Variants in PRKG2 observed in about 807,000 individuals in gnomAD.
The protein encoded by PRKG2 is protein kinase cGMP-dependent 2, also known as cGMP-dependent protein kinase 2.
A neutral mutation model predicts 97.2 loss-of-function variants in PRKG2; 33 were observed. That is an observed-to-expected ratio of 0.34 (90% CI 0.26 to 0.45). The LOEUF (loss-of-function observed/expected upper bound fraction) is 0.45. Among genes scored for constraint, PRKG2 ranks in the 20% least tolerant of loss-of-function variants. The pLI, the probability that PRKG2 is intolerant of heterozygous loss-of-function variation, is 1.00. For missense variants in PRKG2, 638 were observed against 900.0 expected, an observed-to-expected ratio of 0.71 and a Z score of 3.73; for synonymous variants, 330 against 321.8, an observed-to-expected ratio of 1.03 and a Z score of -0.27.
At chr4:81,196,763 A>G (rs1167841559) in intron 2 of PRKG2, among the ~76,000 whole-genome samples, 9 of 151,778 alleles carry the variant, frequency 5.9e-5, no homozygotes, top group African/African-American at 1.9e-4. Flanking sequence ...TAGATCTCAA[A>G]AAAGAAAGAA....
intron 2 of PRKG2, among the ~76,000 whole-genome samples, chr4:81,189,063 T>TAAAAAAAAAAAAAAA (rs1401411435): frequency 1.6e-4 from 1 of 6,418 alleles, no homozygotes; most frequent in African/African-American, 1.4e-3. Context: ...TTAAAAAAAA[T>TAAAAAAAAAAAAAAA]AATAAAAAAA....
At chr4:81,167,280 C>T (rs1750067742) in intron 5 of PRKG2, 56 bp from the exon 6 acceptor site, 2 of 1,117,692 alleles carry the variant, frequency 1.8e-6, no homozygotes, top group Admixed American at 2.6e-5. Context: ...TATAAATATA[C>T]ACATATGCAG....
At chr4:81,153,605 A>G (rs1213172069) in intron 7 of PRKG2, 39 bp downstream of exon 7, 1 of 1,477,508 alleles carries the variant, frequency 6.8e-7, no homozygotes, top group Non-Finnish European at 9.4e-7. Context: ...CTGATTTAAA[A>G]TAATCTTTTT....
chr4:81,139,673 G>A (rs1336701830), intron 12 of PRKG2, among the ~76,000 whole-genome samples: 1 of 151,544 alleles, frequency 6.6e-6, no homozygotes, highest in East Asian at 1.9e-4. Context: ...TACTCTGGAG[G>A]CTGAGGCAGG....
At chr4:81,196,540 T>C (rs1752969558) in intron 2 of PRKG2, among the ~76,000 whole-genome samples, 1 of 152,162 alleles carries the variant, frequency 6.6e-6, no homozygotes, top group African/African-American at 2.4e-5. Flanking sequence ...AACTGGAAGC[T>C]CTAGGTCTTT....
Position 81,155,177 on chromosome 4 carries a change from C to CAAAAAAAAAA in PRKG2, c.913-1466_913-1457dup, listed in dbSNP as rs57874087. On this transcript the variant is annotated intron_variant, in intron 6 of 18. Transcript: ENST00000264399. The stretch of plus-strand genomic sequence containing the variant: ...TGGGCGACAGAGCGAGACTCCGTCT[C>CAAAAAAAAAA]AAAAAAAAAAAAAAGAAGAATGTAT... Among the ~76,000 whole-genome samples the CAAAAAAAAAA allele has an allele frequency of 1.1e-3, 80 of 74,362 alleles. 7 individuals are homozygous for CAAAAAAAAAA. Among genetic ancestry groups the CAAAAAAAAAA allele is most frequent in the African/African-American group, 6.7e-3 (72 of 10,776 alleles). The allele number at this position is 74,362 out of a possible 152,430, so 48.8% of individuals were successfully genotyped here. A position where few individuals can be genotyped will look rare whatever the true frequency, so the allele number is the denominator to read the frequency against.
intron 17 of PRKG2, among the ~76,000 whole-genome samples, chr4:81,104,033 G>A (rs76787322): frequency 0.037 from 5,407 of 146,610 alleles, 338 homozygotes; most frequent in African/African-American, 0.13. Flanking sequence ...TCTGTCATAA[G>A]AAAAACAAAC....
chr4:81,130,471 G>A (rs1746062191), intron 14 of PRKG2, among the ~76,000 whole-genome samples: 1 of 152,174 alleles, frequency 6.6e-6, no homozygotes, highest in Non-Finnish European at 1.5e-5. Flanking sequence ...CAAGGGTCAG[G>A]GACCCACTTG....
intron 2 of PRKG2, among the ~76,000 whole-genome samples, chr4:81,181,403 T>C (rs1169063269): frequency 6.6e-6 from 1 of 151,592 alleles, no homozygotes; most frequent in Non-Finnish European, 1.5e-5. Context: ...AGAAGAAAAT[T>C]TATGATGTCA....
chr4:81,200,446 G>A (rs772249408), intron 2 of PRKG2, among the ~76,000 whole-genome samples: 1 of 152,206 alleles, frequency 6.6e-6, no homozygotes, highest in Non-Finnish European at 1.5e-5. Flanking sequence ...CCACATGGAT[G>A]AAGCTAGGAA....
chr4:81,199,054 C>T (rs1173480717), intron 2 of PRKG2, among the ~76,000 whole-genome samples: 7 of 151,990 alleles, frequency 4.6e-5, no homozygotes, highest in Admixed American at 6.6e-5. Flanking sequence ...CGGGTTAAGA[C>T]AATAGTATTT....
chr4:81,171,777 T>G lies in PRKG2; in HGVS notation c.656A>C (p.Glu219Ala). The G allele has an allele frequency of 6.2e-7, 1 of 1,610,964 alleles. No homozygotes were observed. The highest frequency in any genetic ancestry group is 8.5e-7 in the Non-Finnish European group (1 of 1,178,534). The change falls in exon 4 of 19, where the codon GAG (glutamate) becomes GCG (alanine). Residue 219 changes from glutamate (E) to alanine (A), a missense_variant. Glu to Ala is a moderately radical substitution (Grantham distance 107). Around this residue, in one of 3 missense-constraint regions of PRKG2, gnomAD observed 332 missense variants for 421.7 expected, o/e 0.79. Transcript: ENST00000264399. ...AEGRLEVFQG[E>A]KLLSSIPMWT... ...CATAGGGATGGAGGACAGCAATTTCTCCCCTTGGAACACCTCTAGTCGACC... is the reference window on the plus strand; with the variant it reads ...CATAGGGATGGAGGACAGCAATTTCGCCCCTTGGAACACCTCTAGTCGACC...
At chr4:81,107,076 G>A (rs1245620060) in intron 15 of PRKG2, among the ~76,000 whole-genome samples, 1 of 152,224 alleles carries the variant, frequency 6.6e-6, no homozygotes, top group Non-Finnish European at 1.5e-5. Context: ...AGGCATGTGG[G>A]AGAAACAAAG....
At chr4:81,098,257 G>A (rs1742325326) in intron 17 of PRKG2, among the ~76,000 whole-genome samples, 1 of 152,104 alleles carries the variant, frequency 6.6e-6, no homozygotes, top group Non-Finnish European at 1.5e-5. Flanking sequence ...CTTCAGTTTT[G>A]GAACTCAGAC....
chr4:81,127,926 C>T (rs1399122023), intron 14 of PRKG2, among the ~76,000 whole-genome samples: 1 of 152,148 alleles, frequency 6.6e-6, no homozygotes, highest in African/African-American at 2.4e-5. Flanking sequence ...AAAGGGAATG[C>T]TTCCAGCTTT....
In PRKG2 at chr4:81,135,054, T is replaced by C. The variant is rs1307292207; in HGVS notation, c.1776+101A>G. ...AAAGGCCATACTGCCAAAGAGAGAA[T>C]AACAGCTGCACTAAAATTAAAAAGA... On this transcript the variant is annotated intron_variant, in intron 14 of 18. Transcript: ENST00000264399. 5.1e-6 allele frequency: 6 copies of C among 1,176,184 alleles called. No homozygotes were observed. The East Asian group carries it at 1.4e-4, about 28-fold the overall frequency. The allele number at this position is 1,176,184 out of a possible 1,614,324, so 72.9% of individuals were successfully genotyped here.
intron 6 of PRKG2, among the ~76,000 whole-genome samples, chr4:81,158,628 C>T (rs1314086358): frequency 6.6e-6 from 1 of 151,988 alleles, no homozygotes; most frequent in African/African-American, 2.4e-5. Flanking sequence ...AAAAAAGAGC[C>T]CGCATCACCA....
chr4:81,101,195 A>G (rs1742720006), intron 17 of PRKG2, among the ~76,000 whole-genome samples: 1 of 151,966 alleles, frequency 6.6e-6, no homozygotes, highest in East Asian at 1.9e-4. Flanking sequence ...ATACCATTTG[A>G]CCCAGCCATC....
At chr4:81,118,005 C>T (rs1383804020) in intron 14 of PRKG2, among the ~76,000 whole-genome samples, 3 of 152,172 alleles carry the variant, frequency 2.0e-5, no homozygotes, top group Non-Finnish European at 1.5e-5. Flanking sequence ...TTTCTACTCC[C>T]CTGCCCCAAA....
Sources: gnomAD v4.1 joint callset for allele counts (sites outside exome capture counted in the v4.1 genomes callset) on GRCh38, gnomAD v4.1.1 for gene constraint, gnomAD v4.1.1 regional missense constraint, MANE v1.5 for transcripts, NCBI Gene and HGNC (gene_info 2026-07-23, HGNC 2026-07-21) for gene names.